Variants in PER3 observed in about 807,000 individuals in gnomAD.
PER3 encodes the protein period circadian regulator 3, also known as period circadian protein homolog 3.
A neutral mutation model predicts 127.2 loss-of-function variants in PER3; 107 were observed. The ratio of observed to expected loss-of-function variants is 0.84; its 90% CI spans 0.72 to 0.99. The LOEUF (loss-of-function observed/expected upper bound fraction) is 0.99, where lower values mean the gene tolerates loss of function less well. Among genes scored for constraint, PER3 ranks in the 50% least tolerant of loss-of-function variants. The pLI is 0.00. For missense variants in PER3, 1,560 were observed against 1,525.8 expected (o/e 1.02, Z -0.37); for synonymous variants, 618 against 585.8 (o/e 1.05, Z -0.79).
chr1:7,836,940 C>A (rs565032955), intron 20 of PER3, 59 bp from the exon 21 acceptor site: 2 of 1,386,540 alleles, frequency 1.4e-6, no homozygotes, highest in South Asian at 2.6e-5. Context: ...TCCTAGATGA[C>A]GGGAAAAGAA....
chr1:7,820,575 TG>T lies in PER3; in HGVS notation c.1896del (p.Ser633ArgfsTer3). The T allele has an allele frequency of 6.2e-7, 1 of 1,614,188 alleles. No homozygotes were observed. The highest frequency in any genetic ancestry group is 8.5e-7 in the Non-Finnish European group (1 of 1,180,036). On this transcript the variant is annotated frameshift_variant, in exon 16 of 22. Transcript: ENST00000377532. LOFTEE classifies it high-confidence loss of function. ...ATCCTGTCCACGGCGATGCTGAGCT[TG>T]GGGTCGGGCATAAGCCAATGCGGTT... ...PQILSTAMLS[L>X]GSGISQCGYS...
In PER3 at chr1:7,808,246, A is replaced by G. The variant is rs2150811409; in HGVS notation, c.1137-647A>G. 1.3e-5 allele frequency among the ~76,000 whole-genome samples: 2 copies of G among 150,152 alleles called. 1 individual carries two copies. Among genetic ancestry groups the G allele is most frequent in the Non-Finnish European group, 3.0e-5 (2 of 67,416 alleles). On this transcript the variant is annotated intron_variant, in intron 10 of 21. Coordinates refer to ENST00000377532, the MANE Select transcript of PER3 (RefSeq NM_001377275.1). ...AGACTCTGTCTCAAAAAAAAAAAAA[A>G]AAAAAAAAAAAAACTAGTATAGTAC...
intron 6 of PER3, among the ~76,000 whole-genome samples, chr1:7,796,335 T>TTTTTTC (rs1219384073): frequency 2.7e-5 from 4 of 149,662 alleles, no homozygotes; most frequent in Admixed American, 2.7e-4. Context: ...TTTTTTTTTT[T>TTTTTTC]TGAGACAGGA....
At chr1:7,825,179 C>T (rs1181095397) in intron 16 of PER3, among the ~76,000 whole-genome samples, 5 of 152,118 alleles carry the variant, frequency 3.3e-5, no homozygotes, top group East Asian at 3.9e-4. Flanking sequence ...CCAAACCACC[C>T]GGATGCTGCA....
chr1:7,796,381 C>T (rs895954867), intron 6 of PER3, among the ~76,000 whole-genome samples: 1 of 142,076 alleles, frequency 7.0e-6, no homozygotes, highest in African/African-American at 2.6e-5. Context: ...TGCAGTGGCA[C>T]GATCTCGGCT....
chr1:7,803,152 A>C lies in PER3; in HGVS notation c.978A>C (p.Lys326Asn). The C allele has an allele frequency of 1.9e-6, 3 of 1,562,004 alleles. No homozygotes were observed. The South Asian group carries it at 3.3e-5, about 17-fold the overall frequency. ...CTCTGATGGTTGCCATACACCAAAA[A>C]GGTCAGGACCTACTCCTTTATAGGA... ...DRSLMVAIHQ[K>N]VLKYAGHPPF... Residue 326 changes from lysine (K) to asparagine (N), a missense_variant and splice_region_variant, in exon 9 of 22, where the codon AAA becomes AAC. Physicochemically the swap from Lys to Asn is moderately conservative, Grantham distance 94. Around this residue, in one of 3 missense-constraint regions of PER3, gnomAD observed 1,332 missense variants for 1,223.6 expected, o/e 1.09. Coordinates refer to ENST00000377532, the MANE Select transcript of PER3 (RefSeq NM_001377275.1).
Position 7,843,221 on chromosome 1 carries a change from T to A in PER3, c.*466T>A, listed in dbSNP as rs1375937277. 1.3e-5 allele frequency: 2 copies of A among 153,210 alleles called. No individual in the cohort carries two copies. Among genetic ancestry groups the A allele is most frequent in the African/African-American group, 4.8e-5 (2 of 41,476 alleles). 9.5% of individuals were successfully genotyped at this position (153,210 alleles called of 1,614,324 possible). A position where few individuals can be genotyped will look rare whatever the true frequency, so the allele number is the denominator to read the frequency against. The stretch of plus-strand genomic sequence containing the variant: ...TGAATGTAGTACGTTCATACAGGCT[T>A]CATTCAACCTGGCGTTCCCCTCCAT... On this transcript the variant is annotated 3_prime_UTR_variant, in exon 22 of 22. Coordinates refer to ENST00000377532, the MANE Select transcript of PER3 (RefSeq NM_001377275.1).
intron 21 of PER3, among the ~76,000 whole-genome samples, chr1:7,839,725 C>T (rs561452891): frequency 7.2e-4 from 110 of 152,356 alleles, no homozygotes; most frequent in African/African-American, 7.2e-5. Context: ...CTGGCCTCCA[C>T]AGTTTCTGAT....
chr1:7,809,056 C>T (rs1340789576), intron 11 of PER3, 58 bp downstream of exon 11: 3 of 813,196 alleles, frequency 3.7e-6, no homozygotes, highest in Non-Finnish European at 6.2e-6. Context: ...TTTTAATGCT[C>T]AGTAAATTCA....
chr1:7,795,668 A>G (rs2097142121), intron 6 of PER3, among the ~76,000 whole-genome samples: 1 of 152,232 alleles, frequency 6.6e-6, no homozygotes, highest in African/African-American at 2.4e-5. Flanking sequence ...AGGATGGAAG[A>G]AGACGGGAAA....
At chr1:7,804,693 C>T (rs1427151046) in intron 10 of PER3, among the ~76,000 whole-genome samples, 6 of 151,930 alleles carry the variant, frequency 3.9e-5, no homozygotes, top group Non-Finnish European at 8.8e-5. Context: ...CGAGCCACTG[C>T]GCCCGGACTG....
At position 7,827,400 on chromosome 1, in the gene PER3, C is replaced by T. The variant is rs2097306939; in HGVS notation, c.2471C>T (p.Ala824Val). ...AATSPGREYA[A>V]PGTAPEGLHG... Reference sequence around the variant, plus strand: ...ACCTCACCCGGAAGAGAATACGCAGCCCCCGGAACTGCACCGGAAGGCCTG... The same window carrying T: ...ACCTCACCCGGAAGAGAATACGCAGTCCCCGGAACTGCACCGGAAGGCCTG... The change falls in exon 18 of 22, where the codon GCC becomes GTC. Residue 824 changes from alanine to valine, a missense_variant. Around this residue, in one of 3 missense-constraint regions of PER3, gnomAD observed 1,332 missense variants for 1,223.6 expected, o/e 1.09. Coordinates refer to ENST00000377532, the MANE Select transcript of PER3 (RefSeq NM_001377275.1). 2 of 1,614,018 alleles carry T rather than the reference C, an allele frequency of 1.2e-6. No individual in the cohort carries two copies. Among genetic ancestry groups the T allele is most frequent in the Non-Finnish European group, 8.5e-7 (1 of 1,180,006 alleles).
intron 11 of PER3, 82 bp from the exon 12 acceptor site, chr1:7,809,807 AATTT>A (rs2097211126): frequency 7.8e-7 from 1 of 1,284,428 alleles, no homozygotes; most frequent in South Asian, 1.4e-5. Flanking sequence ...TTGTCATCTT[AATTT>A]TTACATGATT....
chr1:7,792,723 ATG>A (rs2097127671), intron 5 of PER3, among the ~76,000 whole-genome samples: 1 of 152,208 alleles, frequency 6.6e-6, no homozygotes, highest in Non-Finnish European at 1.5e-5. Context: ...GTATTAGAAT[ATG>A]TTTCTATTTA....
chr1:7,796,319 C>T (rs866315041), intron 6 of PER3, among the ~76,000 whole-genome samples: 73 of 109,818 alleles, frequency 6.6e-4, no homozygotes, highest in Non-Finnish European at 1.1e-3. Context: ...TTTCAGTTTC[C>T]TTTTTTTTTT....
In PER3 at chr1:7,786,752, G is replaced by T. The variant is rs749710450; in HGVS notation, c.306G>T (p.Gln102His). The T allele has an allele frequency of 2.0e-5, 32 of 1,610,662 alleles. No homozygotes were observed. The highest frequency in any genetic ancestry group is 2.6e-5 in the Non-Finnish European group (31 of 1,176,964). ...GTGAGTTTTTCCAGATTCTCAGTCA[G>T]AATGGAGCACCTCAGGCAGATGTGA... The part of the protein sequence containing the change: ...ANSEFFQILS[Q>H]NGAPQADVSM... Residue 102 changes from glutamine (Q) to histidine (H), a missense_variant, in exon 4 of 22, where the codon CAG becomes CAT. Gln to His is a conservative substitution (Grantham distance 24). Transcript: ENST00000377532.
At chr1:7,786,646 C>T in intron 3 of PER3, 75 bp from the exon 4 acceptor site, 1 of 794,734 alleles carries the variant, frequency 1.3e-6, no homozygotes. Flanking sequence ...AATAATCCAG[C>T]TTGATAGTGA....
intron 16 of PER3, among the ~76,000 whole-genome samples, chr1:7,822,980 G>A (rs1408671450): frequency 6.6e-6 from 1 of 152,068 alleles, no homozygotes; most frequent in East Asian, 1.9e-4. Context: ...GATCAATTGA[G>A]CCTAGCTTGA....
chr1:7,807,506 A>G (rs1220140111), intron 10 of PER3, among the ~76,000 whole-genome samples: 1 of 152,172 alleles, frequency 6.6e-6, no homozygotes, highest in African/African-American at 2.4e-5. Flanking sequence ...CAGTTGAGAA[A>G]CGGCAGGCTG....
Sources: gnomAD v4.1 joint callset for allele counts (sites outside exome capture counted in the v4.1 genomes callset) on GRCh38, gnomAD v4.1.1 for gene constraint, gnomAD v4.1.1 regional missense constraint, MANE v1.5 for transcripts, NCBI Gene and HGNC (gene_info 2026-07-23, HGNC 2026-07-21) for gene names.